Variants in FAM210A observed in about 807,000 individuals in gnomAD.
FAM210A encodes the protein mitochondrial inner membrane scaffold 1.
A neutral mutation model predicts 25.3 loss-of-function variants in FAM210A; 13 were observed. That is an observed-to-expected ratio of 0.51 (90% CI 0.33 to 0.82). The LOEUF is 0.82. Among genes scored for constraint, FAM210A ranks in the 40% least tolerant of loss-of-function variants. The pLI, the probability that FAM210A is intolerant of heterozygous loss-of-function variation, is 0.02. For missense variants in FAM210A, 319 were observed against 323.2 expected (o/e 0.99, Z 0.10); for synonymous variants, 125 against 118.7 (o/e 1.05, Z -0.35).
chr18:13,708,550 G>A (rs2149067784), intron 1 of FAM210A, among the ~76,000 whole-genome samples: 1 of 152,310 alleles, frequency 6.6e-6, no homozygotes, highest in East Asian at 1.9e-4. Flanking sequence ...TACGGGGATT[G>A]TTATTAATAA....
intron 3 of FAM210A, among the ~76,000 whole-genome samples, chr18:13,669,106 ACCAC>A (rs2043423153): frequency 6.6e-6 from 1 of 152,096 alleles, no homozygotes; most frequent in Non-Finnish European, 1.5e-5. Flanking sequence ...AACCCCAGCA[ACCAC>A]GTCTTTAAAA....
intron 2 of FAM210A, among the ~76,000 whole-genome samples, chr18:13,673,848 A>G (rs866693979): frequency 1.6e-5 from 2 of 124,408 alleles, no homozygotes; most frequent in Non-Finnish European, 3.3e-5. Flanking sequence ...CTGATTATTA[A>G]CATTCCTGAG....
intron 1 of FAM210A, among the ~76,000 whole-genome samples, chr18:13,720,205 A>G (rs1215309104): frequency 6.6e-6 from 1 of 152,192 alleles, no homozygotes. Flanking sequence ...TGTATCTCCT[A>G]TAGGGCCTGC....
At chr18:13,682,746 G>A (rs1355906964) in intron 1 of FAM210A, among the ~76,000 whole-genome samples, 2 of 152,188 alleles carry the variant, frequency 1.3e-5, no homozygotes, top group African/African-American at 4.8e-5. Context: ...GTGTGTGCCT[G>A]TAATTCCAGC....
intron 1 of FAM210A, among the ~76,000 whole-genome samples, chr18:13,694,672 A>G (rs968678243): frequency 3.3e-5 from 5 of 152,246 alleles, no homozygotes; most frequent in African/African-American, 1.2e-4. Context: ...ATATGTAGAA[A>G]GCTGAAACTG....
chr18:13,692,541 T>G (rs2043655377), intron 1 of FAM210A, among the ~76,000 whole-genome samples: 1 of 151,274 alleles, frequency 6.6e-6, no homozygotes, highest in South Asian at 2.1e-4. Context: ...GAACAGAAAT[T>G]ATAACAAACT....
At chr18:13,707,897 T>C (rs938307276) in intron 1 of FAM210A, among the ~76,000 whole-genome samples, 7 of 130,042 alleles carry the variant, frequency 5.4e-5, no homozygotes, top group East Asian at 2.0e-4. Flanking sequence ...ATCATTTCCC[T>C]TTTTTTTTTT....
intron 1 of FAM210A, among the ~76,000 whole-genome samples, chr18:13,703,228 T>C (rs1378099978): frequency 1.3e-5 from 2 of 152,194 alleles, no homozygotes; most frequent in East Asian, 3.8e-4. Context: ...ATGTAATAAT[T>C]AGGTAGGAAA....
chr18:13,689,562 G>T (rs1021302974), intron 1 of FAM210A, among the ~76,000 whole-genome samples: 5 of 152,182 alleles, frequency 3.3e-5, no homozygotes, highest in Non-Finnish European at 5.9e-5. Flanking sequence ...AATGGTGGGA[G>T]GCTGGACGCT....
At chr18:13,725,889 G>T (rs979034945) in intron 1 of FAM210A, among the ~76,000 whole-genome samples, 1 of 152,156 alleles carries the variant, frequency 6.6e-6, no homozygotes, top group Non-Finnish European at 1.5e-5. Context: ...GAATCTAACA[G>T]GTAAGAATGG....
At chr18:13,709,322 A>G (rs2043804565) in intron 1 of FAM210A, among the ~76,000 whole-genome samples, 1 of 152,190 alleles carries the variant, frequency 6.6e-6, no homozygotes, top group African/African-American at 2.4e-5. Flanking sequence ...CATCTCTCTC[A>G]GTGTTCTTGC....
intron 1 of FAM210A, among the ~76,000 whole-genome samples, chr18:13,726,100 C>G (rs1466434166): frequency 6.6e-6 from 1 of 152,232 alleles, no homozygotes; most frequent in Non-Finnish European, 1.5e-5. Flanking sequence ...TGCCAGGACA[C>G]TGGCTCGACC....
In FAM210A at chr18:13,664,556, G is replaced by T. The variant is rs1007050798; in HGVS notation, c.*1924C>A. 2.0e-5 allele frequency: 3 copies of T among 152,164 alleles called. No homozygotes were observed. The South Asian group carries it at 6.2e-4, about 32-fold the overall frequency. The allele number at this position is 152,164 out of a possible 1,614,324, so 9.4% of individuals were successfully genotyped here. A position where few individuals can be genotyped will look rare whatever the true frequency, so the allele number is the denominator to read the frequency against. On this transcript the variant is annotated 3_prime_UTR_variant, in exon 4 of 4. Coordinates refer to ENST00000651643, the MANE Select transcript of FAM210A (RefSeq NM_152352.4). ...GTTAATCATGTTTAGATTTGAAAAT[G>T]TGGCATCAATGTGAAGCAGTGCATT...
At chr18:13,681,016 A>G (rs1439276313) in intron 2 of FAM210A, among the ~76,000 whole-genome samples, 1 of 152,240 alleles carries the variant, frequency 6.6e-6, no homozygotes, top group Non-Finnish European at 1.5e-5. Context: ...TATCAATGCA[A>G]ACAAATTAGC....
Position 13,673,974 on chromosome 18 carries a change from CCTGA to C in FAM210A, c.474-2005_474-2002del, listed in dbSNP as rs1254320388. Among the ~76,000 whole-genome samples the C allele has an allele frequency of 5.1e-5, 7 of 136,192 alleles. 1 individual carries two copies. The highest frequency in any genetic ancestry group is 1.7e-4 in the African/African-American group (6 of 34,772). 89.3% of individuals were successfully genotyped at this position (136,192 alleles called of 152,430 possible). A position where few individuals can be genotyped will look rare whatever the true frequency, so the allele number is the denominator to read the frequency against. The stretch of plus-strand genomic sequence containing the variant: ...GCCCCGACTTCTTTATTTCCAGTTT[CCTGA>C]CTATTAACATTCCTGAGCCCCGACT... On this transcript the variant is annotated intron_variant, in intron 2 of 3. Transcript: ENST00000651643.
At chr18:13,673,892 A>G (rs2043467023) in intron 2 of FAM210A, among the ~76,000 whole-genome samples, 2 of 111,344 alleles carry the variant, frequency 1.8e-5, no homozygotes, top group Non-Finnish European at 3.5e-5. Flanking sequence ...TCTGATTATT[A>G]ACATTCCTGA....
At chr18:13,702,661 C>G (rs1318929962) in intron 1 of FAM210A, among the ~76,000 whole-genome samples, 1 of 152,226 alleles carries the variant, frequency 6.6e-6, no homozygotes, top group African/African-American at 2.4e-5. Flanking sequence ...CTACTCTAGA[C>G]TCCTTCTGGA....
At chr18:13,718,337 C>A (rs1487780068) in intron 1 of FAM210A, among the ~76,000 whole-genome samples, 2 of 152,116 alleles carry the variant, frequency 1.3e-5, no homozygotes, top group Non-Finnish European at 2.9e-5. Context: ...CACACAGAAC[C>A]TGAGTACAAC....
chr18:13,687,029 C>T (rs1324619259), intron 1 of FAM210A, among the ~76,000 whole-genome samples: 1 of 152,178 alleles, frequency 6.6e-6, no homozygotes, highest in Non-Finnish European at 1.5e-5. Flanking sequence ...ATTAGCAAGT[C>T]AAATCCAGCA....
Sources: allele counts gnomAD v4.1 joint callset (sites outside exome capture counted in the v4.1 genomes callset), GRCh38; gene constraint gnomAD v4.1.1; transcripts MANE v1.5; gene names NCBI Gene and HGNC (gene_info 2026-07-23, HGNC 2026-07-21).